ZNF385D: variants seen among roughly 807,000 people sequenced by gnomAD.
ZNF385D encodes zinc finger protein 659.
Under a neutral mutation model 35.8 loss-of-function variants are expected in ZNF385D, and 15 were observed. That is an observed-to-expected ratio of 0.42 (90% CI 0.28 to 0.64). ZNF385D has a LOEUF of 0.64. ZNF385D is among the 30% of genes least tolerant of loss of function. ZNF385D has a pLI of 0.23. For missense variants in ZNF385D, 474 were observed against 494.6 expected, an observed-to-expected ratio of 0.96 and a Z score of 0.39; for synonymous variants, 212 against 186.8, an observed-to-expected ratio of 1.13 and a Z score of -1.10.
chr3:21,845,809 G>A (rs1309472306), intron 3 of ZNF385D, among the ~76,000 whole-genome samples: 1 of 152,026 alleles, frequency 6.6e-6, no homozygotes, highest in African/African-American at 2.4e-5. Context: ...TTGTAAAGGA[G>A]AGGCTTGACT....
intron 3 of ZNF385D, among the ~76,000 whole-genome samples, chr3:21,967,493 T>G (rs545440897): frequency 6.6e-6 from 1 of 152,308 alleles, no homozygotes; most frequent in Admixed American, 6.5e-5. Flanking sequence ...GGATCTCAAA[T>G]CACTACAGAG....
intron 2 of ZNF385D, among the ~76,000 whole-genome samples, chr3:21,582,410 G>T (rs1396697686): frequency 6.6e-6 from 1 of 152,136 alleles, no homozygotes; most frequent in African/African-American, 2.4e-5. Flanking sequence ...TACAGAGTAG[G>T]CTATTTTTAA....
chr3:22,357,399 T>C (rs766750347), intron 2 of ZNF385D, among the ~76,000 whole-genome samples: 14 of 151,840 alleles, frequency 9.2e-5, no homozygotes, highest in Non-Finnish European at 1.9e-4. Flanking sequence ...GCAAATACTT[T>C]TACAGTCTTA....
At chr3:22,157,417 T>A (rs913040126) in intron 3 of ZNF385D, among the ~76,000 whole-genome samples, 20 of 152,124 alleles carry the variant, frequency 1.3e-4, no homozygotes, top group African/African-American at 4.8e-4. Flanking sequence ...AGGAATTAAA[T>A]TTTAAGGTTG....
At chr3:22,328,943 A>G (rs1189892181) in intron 2 of ZNF385D, among the ~76,000 whole-genome samples, 36 of 151,422 alleles carry the variant, frequency 2.4e-4, no homozygotes, top group South Asian at 2.1e-4. Context: ...TGGGCGTGGT[A>G]GCGGGCGCCT....
At chr3:22,340,983 T>A (rs908692764) in intron 2 of ZNF385D, among the ~76,000 whole-genome samples, 1 of 152,156 alleles carries the variant, frequency 6.6e-6, no homozygotes, top group African/African-American at 2.4e-5. Flanking sequence ...CATGGTCTAC[T>A]TACCACATAG....
intron 2 of ZNF385D, among the ~76,000 whole-genome samples, chr3:21,588,437 G>C (rs946165929): frequency 1.8e-4 from 7 of 39,698 alleles, no homozygotes; most frequent in African/African-American, 5.6e-4. Flanking sequence ...TAATGTTAAT[G>C]TGTAAAGACC....
At chr3:22,090,506 G>GA (rs1229297347) in intron 3 of ZNF385D, among the ~76,000 whole-genome samples, 80 of 147,848 alleles carry the variant, frequency 5.4e-4, no homozygotes, top group African/African-American at 1.5e-3. Context: ...CTCTTACAGA[G>GA]AAAAAAAAAA....
intron 4 of ZNF385D, among the ~76,000 whole-genome samples, chr3:21,471,091 G>A (rs1465979545): frequency 1.3e-5 from 2 of 152,064 alleles, no homozygotes; most frequent in Admixed American, 1.3e-4. Context: ...ATTTACATAT[G>A]AAAAGAAAGC....
At position 21,639,298 on chromosome 3, in the gene ZNF385D, C is replaced by T. The variant is rs559535272; in HGVS notation, c.165+25588G>A. On this transcript the variant is annotated intron_variant, in intron 2 of 7. Coordinates refer to ENST00000281523, the MANE Select transcript of ZNF385D (RefSeq NM_024697.3). ...GTGACTCCCTCCACTAAAATGCAGG[C>T]GGCATGAAAGCAAGAATGTTTGTGT... Among the ~76,000 whole-genome samples the T allele has an allele frequency of 1.5e-4, 23 of 151,970 alleles. No homozygotes were observed. The South Asian group carries it at 4.2e-3, about 27-fold the overall frequency.
At chr3:21,880,371 T>A (rs185670202) in intron 3 of ZNF385D, among the ~76,000 whole-genome samples, 10 of 152,134 alleles carry the variant, frequency 6.6e-5, no homozygotes, top group Admixed American at 2.6e-4. Flanking sequence ...CTGTCACATT[T>A]TGGTAATTCT....
chr3:21,928,002 T>C (rs1289468854), intron 3 of ZNF385D, among the ~76,000 whole-genome samples: 2 of 152,042 alleles, frequency 1.3e-5, no homozygotes, highest in Admixed American at 1.3e-4. Context: ...GGCAGGAAGT[T>C]CACTTGAGCA....
chr3:22,127,076 G>T (rs566471459), intron 3 of ZNF385D, among the ~76,000 whole-genome samples: 46 of 152,030 alleles, frequency 3.0e-4, no homozygotes, highest in African/African-American at 1.1e-3. Context: ...CTTTACAGGT[G>T]AAATGTGTTT....
At chr3:21,563,822 A>T (rs567549028) in intron 3 of ZNF385D, among the ~76,000 whole-genome samples, 1 of 152,280 alleles carries the variant, frequency 6.6e-6, no homozygotes, top group South Asian at 2.1e-4. Context: ...ACTTAACTTC[A>T]TATCAAAGCA....
intron 3 of ZNF385D, among the ~76,000 whole-genome samples, chr3:21,774,382 A>C (rs1452031753): frequency 1.3e-5 from 2 of 151,912 alleles, no homozygotes; most frequent in Admixed American, 1.3e-4. Flanking sequence ...GCACACATTG[A>C]CCTATGTAAC....
At chr3:21,773,881 G>A (rs112720740) in intron 3 of ZNF385D, among the ~76,000 whole-genome samples, 2 of 151,966 alleles carry the variant, frequency 1.3e-5, no homozygotes, top group East Asian at 1.9e-4. Flanking sequence ...AAGACCTAGA[G>A]GCAGAAATAC....
At chr3:22,279,582 A>G (rs927212213) in intron 2 of ZNF385D, among the ~76,000 whole-genome samples, 1 of 143,128 alleles carries the variant, frequency 7.0e-6, no homozygotes, top group African/African-American at 2.6e-5. Context: ...GTATATACAT[A>G]TACATATGTA....
intron 3 of ZNF385D, among the ~76,000 whole-genome samples, chr3:21,983,167 A>T (rs11514591): frequency 0.33 from 34,702 of 105,898 alleles, 4,630 homozygotes; most frequent in South Asian, 0.39. Context: ...TTATTTTATT[A>T]TTTTTTTTTA....
chr3:21,757,502 T>C (rs866052003), intron 3 of ZNF385D, among the ~76,000 whole-genome samples: 2 of 152,168 alleles, frequency 1.3e-5, no homozygotes, highest in Admixed American at 6.5e-5. Flanking sequence ...GAGCTTTTTA[T>C]TATATTTAAT....
Sources: allele counts gnomAD v4.1 joint callset (sites outside exome capture counted in the v4.1 genomes callset), GRCh38; gene constraint gnomAD v4.1.1; transcripts MANE v1.5; gene names NCBI Gene and HGNC (gene_info 2026-07-23, HGNC 2026-07-21).